SNX2: variants seen among roughly 807,000 people sequenced by gnomAD.
SNX2 encodes sorting nexin 2, also known as sorting nexin-2.
A neutral mutation model predicts 69.9 loss-of-function variants in SNX2; 25 were observed. That is an observed-to-expected ratio of 0.36 (90% CI 0.26 to 0.50). The LOEUF (loss-of-function observed/expected upper bound fraction) is 0.50, where lower values mean the gene tolerates loss of function less well. Ranked by LOEUF, SNX2 falls within the 20% of genes least tolerant of loss-of-function variation. The probability of loss-of-function intolerance (pLI) is 0.97; values close to 1 mark genes in which losing one functional copy is unlikely to be tolerated. For missense variants in SNX2, 551 were observed against 613.3 expected (o/e 0.90, Z 1.07); for synonymous variants, 229 against 200.4 (o/e 1.14, Z -1.20).
chr5:122,789,684 C>G (rs1753183731), intron 1 of SNX2, among the ~76,000 whole-genome samples: 1 of 152,158 alleles, frequency 6.6e-6, no homozygotes, highest in African/African-American at 2.4e-5. Flanking sequence ...ACCCCTTTGT[C>G]TGATTCATCT....
At chr5:122,791,279 A>G (rs1753230954) in intron 1 of SNX2, among the ~76,000 whole-genome samples, 2 of 151,922 alleles carry the variant, frequency 1.3e-5, no homozygotes, top group African/African-American at 4.8e-5. Context: ...ATGCGCCACC[A>G]TGCCCGGCTA....
At chr5:122,800,018 C>G (rs895048450) in intron 3 of SNX2, among the ~76,000 whole-genome samples, 163 bp downstream of exon 3, 4 of 152,192 alleles carry the variant, frequency 2.6e-5, no homozygotes, top group Admixed American at 1.3e-4. Context: ...CTTCCCCACT[C>G]TACCCAGTGA....
intron 12 of SNX2, 85 bp downstream of exon 12, chr5:122,826,278 C>G: frequency 8.7e-7 from 1 of 1,143,272 alleles, no homozygotes; most frequent in South Asian, 1.9e-5. Flanking sequence ...TTTTTGTAAA[C>G]CATTCAACAC....
intron 3 of SNX2, among the ~76,000 whole-genome samples, chr5:122,800,242 G>T (rs1204641785): frequency 1.3e-5 from 2 of 152,096 alleles, no homozygotes; most frequent in Non-Finnish European, 2.9e-5. Flanking sequence ...TGAAAAAGAA[G>T]GGAGGATGTA....
chr5:122,822,687 A>G (rs1431511579), intron 11 of SNX2, among the ~76,000 whole-genome samples: 1 of 152,180 alleles, frequency 6.6e-6, no homozygotes, highest in African/African-American at 2.4e-5. Context: ...TGTATAGTAC[A>G]TGGTCTCTGC....
At chr5:122,797,142 G>T (rs1753398985) in intron 2 of SNX2, among the ~76,000 whole-genome samples, 1 of 152,134 alleles carries the variant, frequency 6.6e-6, no homozygotes, top group South Asian at 2.1e-4. Context: ...TGCCCAGGCT[G>T]GTCTTGAACT....
Position 122,832,541 on chromosome 5 carries a change from T to C in SNX2, c.*2893T>C, listed in dbSNP as rs945311221. 1 of 152,130 alleles carries C rather than the reference T, an allele frequency of 6.6e-6. No homozygotes were observed. The highest frequency in any genetic ancestry group is 2.4e-5 in the African/African-American group (1 of 41,384). 9.4% of individuals were successfully genotyped at this position (152,130 alleles called of 1,614,324 possible). On this transcript the variant is annotated 3_prime_UTR_variant, in exon 15 of 15. Coordinates refer to ENST00000379516, the MANE Select transcript of SNX2 (RefSeq NM_003100.4). Reference sequence around the variant, plus strand: ...ATTGTTGCTACTCCTTAAACTTTTTTCTTTATTATCTAGATCTAGTAAAGT... The same window carrying C: ...ATTGTTGCTACTCCTTAAACTTTTTCCTTTATTATCTAGATCTAGTAAAGT...
intron 2 of SNX2, among the ~76,000 whole-genome samples, chr5:122,796,009 T>C (rs886782140): frequency 6.6e-6 from 1 of 152,188 alleles, no homozygotes; most frequent in African/African-American, 2.4e-5. Context: ...AAAATGAAAA[T>C]GGTAAATTTT....
intron 1 of SNX2, among the ~76,000 whole-genome samples, chr5:122,794,887 G>T (rs1386889287): frequency 5.9e-5 from 9 of 152,038 alleles, no homozygotes; most frequent in African/African-American, 1.9e-4. Flanking sequence ...ACCAGGTGTG[G>T]TGACGTGCAT....
intron 3 of SNX2, among the ~76,000 whole-genome samples, chr5:122,801,279 C>T (rs570839065): frequency 3.3e-5 from 5 of 152,154 alleles, no homozygotes; most frequent in Admixed American, 6.5e-5. Context: ...TACAAAAAGA[C>T]GAAAACATTT....
At position 122,829,576 on chromosome 5, in the gene SNX2, ATATTT is replaced by A; in HGVS notation, c.1510-19_1510-15del. 6.3e-7 allele frequency: 1 copy of A among 1,591,830 alleles called. No individual in the cohort carries two copies. The highest frequency in any genetic ancestry group is 1.1e-5 in the South Asian group (1 of 90,542). ...GACAAAAAGGTAATGAGAATAACTT[ATATTT>A]TAATTATCATTCACAGCTGATAAAA... On this transcript the variant is annotated splice_polypyrimidine_tract_variant and intron_variant, in intron 14 of 14. Coordinates refer to ENST00000379516, the MANE Select transcript of SNX2 (RefSeq NM_003100.4).
intron 8 of SNX2, 58 bp from the exon 9 acceptor site, chr5:122,816,857 A>G: frequency 2.1e-6 from 2 of 947,992 alleles, no homozygotes; most frequent in Non-Finnish European, 3.3e-6. Context: ...TTTTGTGCCT[A>G]GTTAAACCTC....
At chr5:122,820,586 C>T (rs1257166561) in intron 11 of SNX2, among the ~76,000 whole-genome samples, 1 of 151,906 alleles carries the variant, frequency 6.6e-6, no homozygotes, top group Non-Finnish European at 1.5e-5. Flanking sequence ...TGGAAAAAGA[C>T]CCCCTGGCAG....
intron 1 of SNX2, among the ~76,000 whole-genome samples, chr5:122,776,823 T>G (rs1259299419): frequency 2.0e-5 from 3 of 152,202 alleles, no homozygotes; most frequent in African/African-American, 7.2e-5. Flanking sequence ...ATAATCTGTA[T>G]TTCCCATGTG....
intron 14 of SNX2, 95 bp downstream of exon 14, chr5:122,827,741 C>A: frequency 1.2e-6 from 1 of 826,244 alleles, no homozygotes; most frequent in Non-Finnish European, 1.9e-6. Context: ...GGCATTTAAA[C>A]TCAAGAATAA....
intron 1 of SNX2, among the ~76,000 whole-genome samples, chr5:122,779,541 T>G (rs1056090244): frequency 1.3e-5 from 2 of 151,738 alleles, no homozygotes; most frequent in African/African-American, 4.8e-5. Flanking sequence ...TACCACAGTT[T>G]GTTTAACCAT....
intron 1 of SNX2, among the ~76,000 whole-genome samples, chr5:122,781,434 A>G (rs1752979332): frequency 6.6e-6 from 1 of 152,216 alleles, no homozygotes; most frequent in Non-Finnish European, 1.5e-5. Flanking sequence ...AGTTGTTTCC[A>G]GTTTGGGGTA....
intron 7 of SNX2, among the ~76,000 whole-genome samples, chr5:122,813,303 TTA>T: frequency 6.6e-6 from 1 of 152,226 alleles, no homozygotes; most frequent in East Asian, 1.9e-4. Context: ...GCATATAAGC[TTA>T]TATATGAGAA....
At chr5:122,826,293 C>T (rs1754149065) in intron 12 of SNX2, 100 bp downstream of exon 12, 9 of 995,244 alleles carry the variant, frequency 9.0e-6, no homozygotes, top group Non-Finnish European at 1.3e-5. Context: ...CAACACGTAG[C>T]TATTTTTGCA....
Sources: allele counts gnomAD v4.1 joint callset (sites outside exome capture counted in the v4.1 genomes callset), GRCh38; gene constraint gnomAD v4.1.1; transcripts MANE v1.5; gene names NCBI Gene and HGNC (gene_info 2026-07-23, HGNC 2026-07-21).